The following WNK2 variants were observed in gnomAD, a reference collection of about 807,000 sequenced individuals.
The protein encoded by WNK2 is WNK lysine deficient protein kinase 2.
Under a neutral mutation model 192.1 loss-of-function variants are expected in WNK2, and 67 were observed. The ratio of observed to expected loss-of-function variants is 0.35; its 90% confidence interval spans 0.29 to 0.43. WNK2 has a LOEUF of 0.43. Ranked by LOEUF, WNK2 falls within the 20% of genes least tolerant of loss-of-function variation. WNK2 has a pLI of 1.00. For missense variants in WNK2, 2,698 were observed against 3,089.7 expected, an observed-to-expected ratio of 0.87 and a Z score of 3.01; for synonymous variants, 1,439 against 1,393.9, an observed-to-expected ratio of 1.03 and a Z score of -0.72.
At chr9:93,271,928 A>G (rs562060094) in intron 19 of WNK2, among the ~76,000 whole-genome samples, 1 of 152,342 alleles carries the variant, frequency 6.6e-6, no homozygotes, top group African/African-American at 2.4e-5. Flanking sequence ...GTGACTATAG[A>G]TTTCTCGCCA....
chr9:93,279,453 C>T (rs1847397826), intron 19 of WNK2, among the ~76,000 whole-genome samples: 1 of 152,132 alleles, frequency 6.6e-6, no homozygotes. Context: ...AAACAAGCGC[C>T]CTGTTCATGG....
Position 93,267,900 on chromosome 9 carries a change from G to T in WNK2, c.3851G>T (p.Gly1284Val). 6.2e-7 allele frequency: 1 copy of T among 1,612,738 alleles called. No individual in the cohort carries two copies. The highest frequency in any genetic ancestry group is 8.5e-7 in the Non-Finnish European group (1 of 1,179,472). Residue 1284 changes from glycine (G) to valine (V), a missense_variant, in exon 17 of 30, where the codon GGC (glycine) becomes GTC (valine). Around this residue, in one of 7 missense-constraint regions of WNK2, gnomAD observed 1,098 missense variants for 1,101.0 expected, o/e 1.00. Transcript: ENST00000427277. ...GTSPPHLSTCGLGTGEESRQS... is the reference protein window; with the variant it reads ...GTSPPHLSTCVLGTGEESRQS... ...AGCCCGCCACACCTCAGCACCTGCG[G>T]CCTGGGCACCGGGGAGGTGAGGTTG... is the stretch of plus-strand genomic sequence containing the variant.
At chr9:93,302,774 G>GTC (rs1458320122) in intron 26 of WNK2, among the ~76,000 whole-genome samples, 1 of 152,130 alleles carries the variant, frequency 6.6e-6, no homozygotes, top group Non-Finnish European at 1.5e-5. Flanking sequence ...AGCAGCAGGT[G>GTC]GACAGACCCC....
At chr9:93,250,369 A>G (rs1378382965) in intron 8 of WNK2, among the ~76,000 whole-genome samples, 2 of 152,202 alleles carry the variant, frequency 1.3e-5, no homozygotes, top group African/African-American at 2.4e-5. Context: ...ACATGCACAC[A>G]TGTCTGCATT....
chr9:93,309,092 G>A (rs752502060), intron 28 of WNK2: 99 of 987,400 alleles, frequency 1.0e-4, no homozygotes, highest in Admixed American at 1.2e-4. Context: ...TGATGTCAGC[G>A]CGAGTTGGAG....
chr9:93,310,011 G>C (rs1476075304), intron 28 of WNK2, among the ~76,000 whole-genome samples: 1 of 152,230 alleles, frequency 6.6e-6, no homozygotes, highest in East Asian at 1.9e-4. Context: ...TGTGGTAGGA[G>C]AGCAGACTTA....
intron 5 of WNK2, among the ~76,000 whole-genome samples, chr9:93,235,204 G>T (rs140811654): frequency 6.6e-6 from 1 of 152,184 alleles, no homozygotes; most frequent in East Asian, 1.9e-4. Context: ...ATGGGGTGCT[G>T]TGGGCAGTGC....
chr9:93,289,970 T>G lies in WNK2; in HGVS notation c.4867-8T>G, dbSNP rs186152102. On this transcript the variant is annotated splice_region_variant and splice_polypyrimidine_tract_variant and intron_variant, in intron 20 of 29. Transcript: ENST00000427277. Reference sequence around the variant, plus strand: ...ACGGCTCTTCTCTTTTTGTGTTTCTTTCTCCAGGTGGAGAAGTCAGAACTG... The same window carrying G: ...ACGGCTCTTCTCTTTTTGTGTTTCTGTCTCCAGGTGGAGAAGTCAGAACTG... 1.1e-4 allele frequency: 171 copies of G among 1,562,100 alleles called. No homozygotes were observed. The highest frequency in any genetic ancestry group is 1.4e-4 in the Non-Finnish European group (164 of 1,152,400).
At position 93,256,364 on chromosome 9, in the gene WNK2, G is replaced by A. The variant is rs1029218485; in HGVS notation, c.2100G>A (p.Pro700=). ...ACPPSLQQHF[P]DPAMSFAPVL... ...CTCCGTCCCTCCAGCAGCACTTCCC[G>A]GATCCGGCCATGAGCTTCGCCCCCG... The change falls in exon 10 of 30, where the codon CCG becomes CCA. Residue 700 remains proline, a synonymous_variant. Transcript: ENST00000427277. 2.2e-5 allele frequency: 35 copies of A among 1,581,312 alleles called. No homozygotes were observed. The highest frequency in any genetic ancestry group is 2.7e-5 in the Non-Finnish European group (32 of 1,170,040).
chr9:93,191,925 G>A (rs944464467), intron 2 of WNK2, among the ~76,000 whole-genome samples: 4 of 152,030 alleles, frequency 2.6e-5, no homozygotes, highest in African/African-American at 9.7e-5. Flanking sequence ...TACTTGTAGG[G>A]CTGAGGCAGA....
intron 19 of WNK2, among the ~76,000 whole-genome samples, chr9:93,283,459 A>AG (rs1346756701): frequency 6.6e-6 from 1 of 152,154 alleles, no homozygotes; most frequent in Non-Finnish European, 1.5e-5. Flanking sequence ...AGGGATGAAA[A>AG]GGGGGAGACA....
At chr9:93,307,089 C>G in intron 27 of WNK2, 2 of 534,536 alleles carry the variant, frequency 3.7e-6, no homozygotes, top group Non-Finnish European at 6.7e-6. Context: ...GGAACACCCG[C>G]AAATTGCCGA....
chr9:93,303,406 CTT>C (rs1851946459), intron 26 of WNK2, among the ~76,000 whole-genome samples: 1 of 152,226 alleles, frequency 6.6e-6, no homozygotes, highest in Non-Finnish European at 1.5e-5. Flanking sequence ...GCTGGTATCT[CTT>C]TGGGTTTTCT....
chr9:93,209,855 G>A (rs1834167644), intron 2 of WNK2, among the ~76,000 whole-genome samples: 2 of 152,140 alleles, frequency 1.3e-5, no homozygotes, highest in African/African-American at 4.8e-5. Flanking sequence ...AGCGAGTGGG[G>A]CTGGTCTATC....
rs886813280 is a variant in WNK2 at position 93,255,411 on chromosome 9, C to T, written c.2035-888C>T. Among the ~76,000 whole-genome samples, 12 of 152,178 alleles carry T rather than the reference C, an allele frequency of 7.9e-5. No individual in the cohort carries two copies. The East Asian group carries it at 9.6e-4, about 12-fold the overall frequency. On this transcript the variant is annotated intron_variant, in intron 9 of 29. Coordinates refer to ENST00000427277, the MANE Select transcript of WNK2 (RefSeq NM_006648.4). Reference sequence around the variant, plus strand: ...GCCCAGAGCTGGTAGACGGATGGTCCGGCCCAGTCAGGCCCATCCTCCACT... The same window carrying T: ...GCCCAGAGCTGGTAGACGGATGGTCTGGCCCAGTCAGGCCCATCCTCCACT...
intron 16 of WNK2, among the ~76,000 whole-genome samples, chr9:93,264,519 T>G (rs1844854793): frequency 6.6e-6 from 1 of 151,566 alleles, no homozygotes; most frequent in African/African-American, 2.4e-5. Flanking sequence ...CCAACCTGAG[T>G]CCATGAGCAC....
chr9:93,195,121 T>C (rs1464011621), intron 2 of WNK2, among the ~76,000 whole-genome samples: 1 of 152,212 alleles, frequency 6.6e-6, no homozygotes, highest in Admixed American at 6.5e-5. Flanking sequence ...TATGATACTT[T>C]ACTGGTGAAT....
At chr9:93,288,345 T>TAA (rs571467436) in intron 19 of WNK2, among the ~76,000 whole-genome samples, 2 of 151,128 alleles carry the variant, frequency 1.3e-5, no homozygotes, top group African/African-American at 4.9e-5. Flanking sequence ...GCTCACTACT[T>TAA]AAACTCTTTA....
chr9:93,228,657 A>T (rs1838214177), intron 2 of WNK2, among the ~76,000 whole-genome samples: 1 of 152,170 alleles, frequency 6.6e-6, no homozygotes, highest in Admixed American at 6.5e-5. Context: ...GTGCAGCAGG[A>T]GAGGCCTTGG....
Sources: allele counts gnomAD v4.1 joint callset (sites outside exome capture counted in the v4.1 genomes callset), GRCh38; gene constraint gnomAD v4.1.1; regional missense constraint gnomAD v4.1.1; transcripts MANE v1.5; gene names NCBI Gene and HGNC (gene_info 2026-07-23, HGNC 2026-07-21).